Variants in GRIN2B observed in about 807,000 individuals in gnomAD.
GRIN2B encodes the protein glutamate receptor ionotropic, NMDA 2B.
In GRIN2B, 5 loss-of-function variants were observed where a neutral mutation model predicts 114.5. That is an observed-to-expected ratio of 0.04 (90% CI 0.02 to 0.09). GRIN2B has a LOEUF of 0.09. GRIN2B is among the 10% of genes least tolerant of loss of function. The pLI is 1.00. For missense variants in GRIN2B, 1,108 were observed against 1,943.5 expected (o/e 0.57, Z 8.08); for synonymous variants, 787 against 745.1 (o/e 1.06, Z -0.92).
At chr12:13,728,977 C>T (rs1863038692) in intron 4 of GRIN2B, among the ~76,000 whole-genome samples, 1 of 152,152 alleles carries the variant, frequency 6.6e-6, no homozygotes, top group African/African-American at 2.4e-5. Context: ...CAGCACCCAT[C>T]AGTAAAACTC....
chr12:13,574,444 A>C (rs1329838179), intron 10 of GRIN2B, among the ~76,000 whole-genome samples: 1 of 152,250 alleles, frequency 6.6e-6, no homozygotes, highest in Non-Finnish European at 1.5e-5. Flanking sequence ...TATAATGACT[A>C]AGATACTCTA....
intron 2 of GRIN2B, among the ~76,000 whole-genome samples, chr12:13,949,239 A>T (rs1867429230): frequency 6.6e-6 from 1 of 152,200 alleles, no homozygotes. Context: ...CTGGACAGCA[A>T]GCAAACCTCA....
Position 13,556,614 on chromosome 12 carries a change from G to C in GRIN2B, c.*6169C>G, listed in dbSNP as rs1260537272. On this transcript the variant is annotated 3_prime_UTR_variant, in exon 14 of 14. Transcript: ENST00000609686. ...TGGAAACCTAATCTTTAAAATAACAGTTTAAATTGGGCTTAGTGTTGTGCT... is the reference window on the plus strand; with the variant it reads ...TGGAAACCTAATCTTTAAAATAACACTTTAAATTGGGCTTAGTGTTGTGCT... 1 of 152,160 alleles carries C rather than the reference G, an allele frequency of 6.6e-6. No homozygotes were observed. 9.4% of individuals were successfully genotyped at this position (152,160 alleles called of 1,614,324 possible).
intron 4 of GRIN2B, among the ~76,000 whole-genome samples, chr12:13,690,319 G>GCACA (rs1950205798): frequency 8.7e-6 from 1 of 115,420 alleles, no homozygotes; most frequent in Non-Finnish European, 1.9e-5. Context: ...ACACACACAT[G>GCACA]CACACGCACA....
At position 13,796,755 on chromosome 12, in the gene GRIN2B, C is replaced by T. The variant is rs570444654; in HGVS notation, c.412-42840G>A. Among the ~76,000 whole-genome samples the T allele has an allele frequency of 2.0e-5, 3 of 152,198 alleles. No homozygotes were observed. The South Asian group carries it at 6.2e-4, about 32-fold the overall frequency. On this transcript the variant is annotated intron_variant, in intron 3 of 13. Coordinates refer to ENST00000609686, the MANE Select transcript of GRIN2B (RefSeq NM_000834.5). The stretch of plus-strand genomic sequence containing the variant: ...AGGCTTGGGAGCATGAACTGAAAGA[C>T]CTGAAAGTCCATCCAATCCAAACTT...
chr12:13,711,040 A>G (rs1450007542), intron 4 of GRIN2B, among the ~76,000 whole-genome samples: 4 of 152,122 alleles, frequency 2.6e-5, no homozygotes, highest in Non-Finnish European at 5.9e-5. Flanking sequence ...ATATAGACCA[A>G]TGGAACAGAA....
chr12:13,849,034 C>A (rs2136724905), intron 3 of GRIN2B, among the ~76,000 whole-genome samples: 1 of 152,266 alleles, frequency 6.6e-6, no homozygotes, highest in South Asian at 2.1e-4. Flanking sequence ...TCCATGACCC[C>A]AAATAGTACT....
In GRIN2B at chr12:13,615,292, A is replaced by G. The variant is rs765547993; in HGVS notation, c.1501-25T>C. On this transcript the variant is annotated intron_variant, in intron 7 of 13. Transcript: ENST00000609686. The surrounding 1 kb of genome is among the most constrained non-coding windows in gnomAD (Gnocchi z 5.8). ...CCTAAAAGAAAGGCGCGATGCTCCA[A>G]TTAAAACATTCAGGAGGGCAAGGGA... is the stretch of plus-strand genomic sequence containing the variant. 3.7e-6 allele frequency: 6 copies of G among 1,612,786 alleles called. No individual in the cohort carries two copies. The highest frequency in any genetic ancestry group is 2.7e-5 in the African/African-American group (2 of 74,928).
At chr12:13,703,396 C>T (rs979844778) in intron 4 of GRIN2B, among the ~76,000 whole-genome samples, 31 of 152,040 alleles carry the variant, frequency 2.0e-4, no homozygotes, top group African/African-American at 7.2e-4. Flanking sequence ...TTCATTAGAG[C>T]AAATGAAAAA....
chr12:13,714,635 G>C (rs962229759), intron 4 of GRIN2B, among the ~76,000 whole-genome samples: 20 of 151,950 alleles, frequency 1.3e-4, no homozygotes, highest in South Asian at 4.2e-4. Context: ...AAGGGGGAAC[G>C]CTGGTTGGTT....
chr12:13,914,914 G>C (rs1240868923), intron 2 of GRIN2B, among the ~76,000 whole-genome samples: 6 of 152,134 alleles, frequency 3.9e-5, no homozygotes, highest in Non-Finnish European at 1.5e-5. Flanking sequence ...CAGAGGCCAG[G>C]AAGGGTAGAG....
chr12:13,550,896 A>G lies in GRIN2B; in HGVS notation c.*11887T>C, dbSNP rs1948402776. On this transcript the variant is annotated 3_prime_UTR_variant, in exon 14 of 14. Coordinates refer to ENST00000609686, the MANE Select transcript of GRIN2B (RefSeq NM_000834.5). ...AGTCAACTCAGGATAAGTATACCTC[A>G]AGATGAATAAATTGAGAAAGAGAAG... 2.0e-5 allele frequency: 3 copies of G among 152,212 alleles called. No homozygotes were observed. Among genetic ancestry groups the G allele is most frequent in the Admixed American group, 6.5e-5 (1 of 15,276 alleles). The allele number at this position is 152,212 out of a possible 1,614,324, so 9.4% of individuals were successfully genotyped here. A position where few individuals can be genotyped will look rare whatever the true frequency, so the allele number is the denominator to read the frequency against.
chr12:13,801,964 AC>A (rs1489609980), intron 3 of GRIN2B, among the ~76,000 whole-genome samples: 1 of 151,934 alleles, frequency 6.6e-6, no homozygotes, highest in East Asian at 1.9e-4. Flanking sequence ...CCTTGGTTCA[AC>A]CTTCCTTCTG....
chr12:13,803,333 G>T (rs12426790), intron 3 of GRIN2B, among the ~76,000 whole-genome samples: 13 of 151,986 alleles, frequency 8.6e-5, no homozygotes, highest in Admixed American at 8.5e-4. Context: ...AGGGTCAACT[G>T]TACTTAACTT....
chr12:13,720,639 G>T (rs1014860526), intron 4 of GRIN2B, among the ~76,000 whole-genome samples: 7 of 151,988 alleles, frequency 4.6e-5, no homozygotes, highest in African/African-American at 1.4e-4. Flanking sequence ...GCTCTTGAAA[G>T]TCCCTCTATT....
At chr12:13,831,181 T>G (rs1328578341) in intron 3 of GRIN2B, among the ~76,000 whole-genome samples, 1 of 152,220 alleles carries the variant, frequency 6.6e-6, no homozygotes, top group African/African-American at 2.4e-5. Context: ...CATGAAGCCC[T>G]GACTAGAAGC....
At chr12:13,655,127 G>C (rs1230549140) in intron 5 of GRIN2B, among the ~76,000 whole-genome samples, 1 of 152,064 alleles carries the variant, frequency 6.6e-6, no homozygotes, top group East Asian at 1.9e-4. Flanking sequence ...ACTTAGTAGG[G>C]TGGTAGTTGC....
intron 5 of GRIN2B, among the ~76,000 whole-genome samples, chr12:13,662,861 A>G (rs1277806356): frequency 6.6e-6 from 1 of 152,206 alleles, no homozygotes; most frequent in African/African-American, 2.4e-5. Flanking sequence ...ATTCAGTTTT[A>G]TTATAAAATT....
At chr12:13,808,489 T>G (rs1864655000) in intron 3 of GRIN2B, among the ~76,000 whole-genome samples, 1 of 151,762 alleles carries the variant, frequency 6.6e-6, no homozygotes, top group African/African-American at 2.4e-5. Flanking sequence ...GTTTCCAGCT[T>G]CATCCATGTC....
Sources: allele counts gnomAD v4.1 joint callset (sites outside exome capture counted in the v4.1 genomes callset), GRCh38; gene constraint gnomAD v4.1.1; non-coding constraint Gnocchi (gnomAD v3.1); transcripts MANE v1.5; gene names NCBI Gene and HGNC (gene_info 2026-07-23, HGNC 2026-07-21).